Variants in GYPC observed in about 807,000 individuals in gnomAD.
GYPC encodes glycophorin-C.
GYPC carries 14 observed loss-of-function variants against 12.6 expected under a neutral mutation model. That is an observed-to-expected ratio of 1.11 (90% CI 0.74 to 1.74). The LOEUF is 1.74. GYPC is among the 40% of genes most tolerant of loss of function. The pLI is 0.00. For missense variants in GYPC, 225 were observed against 172.1 expected, an observed-to-expected ratio of 1.31 and a Z score of -1.72; for synonymous variants, 78 against 62.1, an observed-to-expected ratio of 1.26 and a Z score of -1.20.
intron 1 of GYPC, among the ~76,000 whole-genome samples, chr2:126,682,925 T>C (rs903267695): frequency 4.6e-5 from 7 of 152,182 alleles, no homozygotes; most frequent in African/African-American, 1.7e-4. Context: ...CTCTTTCAAA[T>C]TTGATTTCCC....
chr2:126,693,153 C>T (rs562693935), intron 2 of GYPC, among the ~76,000 whole-genome samples: 2 of 152,236 alleles, frequency 1.3e-5, no homozygotes, highest in Non-Finnish European at 2.9e-5. Flanking sequence ...GGGGCAGATC[C>T]CTCATGCATA....
chr2:126,694,387 G>A (rs879101040), intron 3 of GYPC, among the ~76,000 whole-genome samples: 5 of 151,988 alleles, frequency 3.3e-5, no homozygotes, highest in East Asian at 1.9e-4. Flanking sequence ...TTGAACCCTG[G>A]GCAAGGGGCT....
chr2:126,696,207 G>T lies in GYPC; in HGVS notation c.*65G>T. 1 of 1,161,658 alleles carries T rather than the reference G, an allele frequency of 8.6e-7. No homozygotes were observed. The highest frequency in any genetic ancestry group is 1.3e-6 in the Non-Finnish European group (1 of 782,152). 72.0% of individuals were successfully genotyped at this position (1,161,658 alleles called of 1,614,324 possible). ...TCCATCAGGAAAAATACACCCCATC[G>T]CCCAGCACCCCTGCTGATACCACCA... On this transcript the variant is annotated 3_prime_UTR_variant, in exon 4 of 4. Transcript: ENST00000259254.
intron 1 of GYPC, among the ~76,000 whole-genome samples, chr2:126,686,992 G>A (rs538421939): frequency 2.2e-4 from 33 of 152,248 alleles, no homozygotes; most frequent in African/African-American, 7.7e-4. Context: ...TACTTTCTGG[G>A]CTGGATCTGA....
At chr2:126,656,394 C>A in intron 1 of GYPC, 82 bp downstream of exon 1, 1 of 1,253,476 alleles carries the variant, frequency 8.0e-7, no homozygotes, top group Non-Finnish European at 1.1e-6. Context: ...GCCACGGCCA[C>A]GGACGCCCTG....
At chr2:126,666,708 TACACACACACACACACACAC>T (rs67904410) in intron 1 of GYPC, among the ~76,000 whole-genome samples, 13 of 118,544 alleles carry the variant, frequency 1.1e-4, no homozygotes, top group South Asian at 6.7e-4. Context: ...CCTCCCTCCC[TACACACACACACACACACAC>T]ACACACACAC....
At chr2:126,691,800 T>C (rs1433357042) in intron 2 of GYPC, among the ~76,000 whole-genome samples, 1 of 152,182 alleles carries the variant, frequency 6.6e-6, no homozygotes, top group African/African-American at 2.4e-5. Context: ...AATAACAGTC[T>C]CTTCTAACGC....
Position 126,661,157 on chromosome 2 carries a change from G to A in GYPC, c.49+4845G>A, listed in dbSNP as rs146902343. ...CACTGGGTTCCTTCTTAGGCAAGGC[G>A]AGGGTTGGGTGGACCCTGGCATGAC... On this transcript the variant is annotated intron_variant, in intron 1 of 3. Transcript: ENST00000259254. Among the ~76,000 whole-genome samples the A allele has an allele frequency of 1.8e-3, 274 of 152,302 alleles. 2 individuals are homozygous for A. The highest frequency in any genetic ancestry group is 6.4e-3 in the African/African-American group (267 of 41,576).
chr2:126,671,374 G>A (rs543970520), intron 1 of GYPC, among the ~76,000 whole-genome samples: 1 of 152,348 alleles, frequency 6.6e-6, no homozygotes, highest in South Asian at 2.1e-4. Flanking sequence ...CCGACAGCCA[G>A]GGACAACCAG....
At chr2:126,676,047 CTG>C (rs1682987351) in intron 1 of GYPC, among the ~76,000 whole-genome samples, 1 of 152,188 alleles carries the variant, frequency 6.6e-6, no homozygotes, top group Admixed American at 6.5e-5. Context: ...TCCAGCTGTG[CTG>C]TGAGCCCTCC....
At chr2:126,678,406 T>C (rs1238532584) in intron 1 of GYPC, 1 of 152,326 alleles carries the variant, frequency 6.6e-6, no homozygotes, top group East Asian at 1.9e-4. Flanking sequence ...AGGCATCCTT[T>C]CCTGCGAGCC....
chr2:126,660,367 G>A (rs1036203209), intron 1 of GYPC, among the ~76,000 whole-genome samples: 1 of 152,134 alleles, frequency 6.6e-6, no homozygotes, highest in Non-Finnish European at 1.5e-5. Context: ...CCTCCCTCAC[G>A]CACCGTCCCA....
intron 1 of GYPC, chr2:126,686,603 G>A (rs904477244): frequency 1.0e-6 from 1 of 981,386 alleles, no homozygotes; most frequent in African/African-American, 1.7e-5. Context: ...TGAGTATAGA[G>A]TTGTGAGCAA....
intron 1 of GYPC, among the ~76,000 whole-genome samples, chr2:126,660,740 A>G (rs1318132465): frequency 6.6e-6 from 1 of 152,078 alleles, no homozygotes; most frequent in African/African-American, 2.4e-5. Context: ...AAAAGCCTTC[A>G]CTCAGGAGCT....
chr2:126,685,591 G>T (rs1485448414), intron 1 of GYPC, among the ~76,000 whole-genome samples: 1 of 152,060 alleles, frequency 6.6e-6, no homozygotes, highest in Non-Finnish European at 1.5e-5. Flanking sequence ...CACCATGTTG[G>T]TCAGGCTGGT....
intron 1 of GYPC, among the ~76,000 whole-genome samples, chr2:126,674,073 G>A (rs974127638): frequency 3.3e-5 from 5 of 152,208 alleles, no homozygotes; most frequent in Non-Finnish European, 5.9e-5. Context: ...CAGGCTGTAT[G>A]TGGCTGTGTC....
intron 1 of GYPC, among the ~76,000 whole-genome samples, chr2:126,685,077 CT>C (rs1202603169): frequency 6.6e-6 from 1 of 152,222 alleles, no homozygotes; most frequent in Non-Finnish European, 1.5e-5. Context: ...ACCCTACAGC[CT>C]GTACACTGCG....
intron 1 of GYPC, among the ~76,000 whole-genome samples, chr2:126,684,007 T>C (rs1316240286): frequency 6.6e-6 from 1 of 152,142 alleles, no homozygotes; most frequent in Non-Finnish European, 1.5e-5. Flanking sequence ...AATTCTGTCA[T>C]CGATGTGGTG....
intron 1 of GYPC, among the ~76,000 whole-genome samples, chr2:126,662,254 G>A (rs1682553699): frequency 6.6e-6 from 1 of 152,216 alleles, no homozygotes; most frequent in African/African-American, 2.4e-5. Flanking sequence ...GCCCAGCCAA[G>A]CCCTTCTCCT....
Sources: gnomAD v4.1 joint callset for allele counts (sites outside exome capture counted in the v4.1 genomes callset) on GRCh38, gnomAD v4.1.1 for gene constraint, MANE v1.5 for transcripts, NCBI Gene and HGNC (gene_info 2026-07-23, HGNC 2026-07-21) for gene names.